Variants in TASP1 observed in about 807,000 individuals in gnomAD.
TASP1 encodes the protein threonine aspartase 1.
Under a neutral mutation model 56.6 loss-of-function variants are expected in TASP1, and 16 were observed. That is an observed-to-expected ratio of 0.28 (90% CI 0.19 to 0.43). TASP1 has a LOEUF of 0.43. TASP1 is among the 20% of genes least tolerant of loss of function. TASP1 has a pLI of 1.00. For missense variants in TASP1, 393 were observed against 511.6 expected, an observed-to-expected ratio of 0.77 and a Z score of 2.24; for synonymous variants, 179 against 184.2, an observed-to-expected ratio of 0.97 and a Z score of 0.23.
chr20:13,547,044 T>A (rs1365083569), intron 8 of TASP1, among the ~76,000 whole-genome samples: 1 of 152,212 alleles, frequency 6.6e-6, no homozygotes, highest in African/African-American at 2.4e-5. Context: ...ATATGGGTTT[T>A]CTCTTTCAAA....
intron 13 of TASP1, among the ~76,000 whole-genome samples, chr20:13,391,828 C>T (rs533604242): frequency 1.3e-3 from 203 of 151,858 alleles, no homozygotes; most frequent in African/African-American, 4.1e-3. Context: ...ATTAGCCAGG[C>T]GTGGTGGCAG....
intron 8 of TASP1, among the ~76,000 whole-genome samples, chr20:13,535,312 T>C (rs1251392080): frequency 6.6e-6 from 1 of 152,180 alleles, no homozygotes; most frequent in Non-Finnish European, 1.5e-5. Flanking sequence ...CAAGAGATGT[T>C]TCCCTAAAGC....
the TASP1 span, among the ~76,000 whole-genome samples, chr20:13,337,316 C>T: frequency 2.1e-3 from 314 of 152,286 alleles, no homozygotes; most frequent in Middle Eastern, 6.8e-3. Context: ...GTTTTTTAGA[C>T]GCCGAGGTCA....
chr20:13,516,658 G>GTTTTTTTTTTT (rs34296221), intron 10 of TASP1, among the ~76,000 whole-genome samples: 1 of 124,852 alleles, frequency 8.0e-6, no homozygotes, highest in Non-Finnish European at 1.7e-5. Context: ...TTACGCCTTT[G>GTTTTTTTTTTT]TTTTTTTTTT....
intron 10 of TASP1, among the ~76,000 whole-genome samples, chr20:13,521,670 T>C (rs1171589707): frequency 3.3e-5 from 5 of 151,190 alleles, no homozygotes; most frequent in Admixed American, 2.6e-4. Context: ...TTAGGAGATA[T>C]ACCTAATGTT....
At chr20:13,362,553 C>A in the TASP1 span, among the ~76,000 whole-genome samples, 1 of 149,222 alleles carries the variant, frequency 6.7e-6, no homozygotes, top group African/African-American at 2.5e-5. Flanking sequence ...CTACCCAAAT[C>A]CTATAAAACA....
the TASP1 span, among the ~76,000 whole-genome samples, chr20:13,369,593 G>A: frequency 6.6e-6 from 1 of 152,220 alleles, no homozygotes; most frequent in African/African-American, 2.4e-5. Flanking sequence ...AAATGTAGTA[G>A]TCAACTCTCA....
chr20:13,417,906 C>T (rs753709174), intron 12 of TASP1, among the ~76,000 whole-genome samples: 1 of 152,094 alleles, frequency 6.6e-6, no homozygotes, highest in Non-Finnish European at 1.5e-5. Context: ...ACACACACAC[C>T]AGGTCTTAAT....
At chr20:13,468,370 A>AC (rs71334122) in intron 11 of TASP1, among the ~76,000 whole-genome samples, 70,028 of 151,862 alleles carry the variant, frequency 0.46, 16,239 homozygotes, top group Non-Finnish European at 0.47. Context: ...ACTGGATTTT[A>AC]CACATTCATA....
At chr20:13,122,091 T>A in the TASP1 span, among the ~76,000 whole-genome samples, 2 of 152,190 alleles carry the variant, frequency 1.3e-5, no homozygotes. Context: ...TAATACCCTA[T>A]ATGCTTTGAG....
At chr20:13,490,313 C>T (rs1310001434) in intron 10 of TASP1, among the ~76,000 whole-genome samples, 1 of 152,128 alleles carries the variant, frequency 6.6e-6, no homozygotes, top group Non-Finnish European at 1.5e-5. Context: ...TTTAAAACCA[C>T]CTTTTATCCA....
the TASP1 span, among the ~76,000 whole-genome samples, chr20:13,159,754 T>C: frequency 6.6e-6 from 1 of 152,156 alleles, no homozygotes; most frequent in Non-Finnish European, 1.5e-5. Context: ...CACAATTATC[T>C]AATGAGTGTG....
At chr20:13,194,543 ATGTGTGTGTGTGTGTGTGTG>A in the TASP1 span, among the ~76,000 whole-genome samples, 32 of 142,400 alleles carry the variant, frequency 2.2e-4, no homozygotes, top group African/African-American at 4.9e-4. Context: ...TCACCAAGAA[ATGTGTGTGTGTGTGTGTGTG>A]TGTGTGTGTG....
intron 13 of TASP1, among the ~76,000 whole-genome samples, chr20:13,391,677 G>C (rs1033975146): frequency 1.2e-4 from 19 of 152,236 alleles, no homozygotes; most frequent in African/African-American, 3.6e-4. Context: ...TTTGAAAGAA[G>C]TGAGCTTAGG....
intron 13 of TASP1, among the ~76,000 whole-genome samples, chr20:13,409,757 G>C (rs2042037015): frequency 6.6e-6 from 1 of 151,954 alleles, no homozygotes; most frequent in Non-Finnish European, 1.5e-5. Context: ...TTCATGCACA[G>C]AATGTGTTAT....
chr20:13,500,481 G>A (rs1315267279), intron 10 of TASP1, among the ~76,000 whole-genome samples: 1 of 151,464 alleles, frequency 6.6e-6, no homozygotes, highest in Non-Finnish European at 1.5e-5. Context: ...TAATAGCCCA[G>A]ATGTTGGAAT....
At chr20:13,269,449 C>T in the TASP1 span, among the ~76,000 whole-genome samples, 7 of 152,326 alleles carry the variant, frequency 4.6e-5, no homozygotes, top group East Asian at 3.9e-4. Flanking sequence ...AATGCCTTTT[C>T]GTGACTTTTT....
chr20:13,175,895 A>G, the TASP1 span, among the ~76,000 whole-genome samples: 2 of 152,226 alleles, frequency 1.3e-5, no homozygotes, highest in African/African-American at 4.8e-5. Flanking sequence ...CCATAACAAT[A>G]GATATCCTCT....
the TASP1 span, among the ~76,000 whole-genome samples, chr20:13,159,274 G>C: frequency 6.6e-6 from 1 of 152,172 alleles, no homozygotes; most frequent in Non-Finnish European, 1.5e-5. Context: ...TAGGCTGTAA[G>C]GTTCTCTGCG....
Sources: gnomAD v4.1 joint callset for allele counts (sites outside exome capture counted in the v4.1 genomes callset) on GRCh38, gnomAD v4.1.1 for gene constraint, MANE v1.5 for transcripts, NCBI Gene and HGNC (gene_info 2026-07-23, HGNC 2026-07-21) for gene names.